Variants in ACVR2A observed in about 807,000 individuals in gnomAD.
The protein encoded by ACVR2A is activin A receptor type 2A.
Under a neutral mutation model 61.4 loss-of-function variants are expected in ACVR2A, and 7 were observed. That is an observed-to-expected ratio of 0.11 (90% CI 0.06 to 0.21). The LOEUF is 0.21. Ranked by LOEUF, ACVR2A falls within the 10% of genes least tolerant of loss-of-function variation. The pLI, the probability that ACVR2A is intolerant of heterozygous loss-of-function variation, is 1.00. For missense variants in ACVR2A, 322 were observed against 621.7 expected (o/e 0.52, Z 5.13); for synonymous variants, 193 against 208.3 (o/e 0.93, Z 0.63).
chr2:147,914,985 A>G (rs1198467750), intron 4 of ACVR2A, among the ~76,000 whole-genome samples: 3 of 152,016 alleles, frequency 2.0e-5, no homozygotes, highest in African/African-American at 7.2e-5. Flanking sequence ...GAACATTATT[A>G]TGAAACTCTG....
intron 1 of ACVR2A, among the ~76,000 whole-genome samples, chr2:147,850,535 G>A (rs190616149): frequency 1.3e-5 from 2 of 152,164 alleles, no homozygotes; most frequent in Non-Finnish European, 2.9e-5. Context: ...CTCTGTTTAA[G>A]CCAAAATTTG....
chr2:147,896,637 A>G, intron 2 of ACVR2A, 129 bp downstream of exon 2: 2 of 792,660 alleles, frequency 2.5e-6, no homozygotes, highest in East Asian at 5.3e-5. Flanking sequence ...ATGGGATTAT[A>G]AAGAACATTA....
intron 1 of ACVR2A, among the ~76,000 whole-genome samples, chr2:147,863,595 C>G (rs946362725): frequency 1.3e-5 from 2 of 151,834 alleles, no homozygotes; most frequent in African/African-American, 4.8e-5. Context: ...AATAAGGAAG[C>G]TAAAGGAAAG....
At chr2:147,926,661 G>A (rs775991786) in intron 10 of ACVR2A, among the ~76,000 whole-genome samples, 1 of 151,850 alleles carries the variant, frequency 6.6e-6, no homozygotes, top group Non-Finnish European at 1.5e-5. Flanking sequence ...AATATAACTA[G>A]AAACCTGGCT....
intron 1 of ACVR2A, among the ~76,000 whole-genome samples, chr2:147,866,332 A>G (rs531847182): frequency 6.6e-6 from 1 of 152,322 alleles, no homozygotes; most frequent in South Asian, 2.1e-4. Context: ...CAGCTTTAAT[A>G]TGCATAGGAA....
In ACVR2A at chr2:147,928,927, AATTTTTT is replaced by A. The variant is rs1306461440; in HGVS notation, c.*1655_*1661del. 6.6e-6 allele frequency: 1 copy of A among 152,450 alleles called. No individual in the cohort carries two copies. The highest frequency in any genetic ancestry group is 1.5e-5 in the Non-Finnish European group (1 of 67,956). 9.4% of individuals were successfully genotyped at this position (152,450 alleles called of 1,614,324 possible). A position where few individuals can be genotyped will look rare whatever the true frequency, so the allele number is the denominator to read the frequency against. On this transcript the variant is annotated 3_prime_UTR_variant, in exon 11 of 11. Transcript: ENST00000241416. ...AAAATCCATGTTAATTTTATAAAAGAATTTTTTACATGTCACTGTCAGGAGCTCACTG... is the reference window on the plus strand; with the variant it reads ...AAAATCCATGTTAATTTTATAAAAGAACATGTCACTGTCAGGAGCTCACTG...
chr2:147,870,474 T>C (rs1428295822), intron 1 of ACVR2A, among the ~76,000 whole-genome samples: 1 of 152,188 alleles, frequency 6.6e-6, no homozygotes, highest in Admixed American at 6.5e-5. Context: ...TGAGAGCAGA[T>C]GTCACATTTC....
At chr2:147,911,886 T>C (rs1269038530) in intron 4 of ACVR2A, among the ~76,000 whole-genome samples, 1 of 152,048 alleles carries the variant, frequency 6.6e-6, no homozygotes, top group Admixed American at 6.6e-5. Context: ...TTAATTTTTA[T>C]ATGTCATTAG....
intron 4 of ACVR2A, among the ~76,000 whole-genome samples, chr2:147,907,575 C>T (rs994637729): frequency 2.0e-5 from 3 of 152,114 alleles, no homozygotes; most frequent in Non-Finnish European, 4.4e-5. Flanking sequence ...TTTTGAAGTC[C>T]GTTTTATAGA....
chr2:147,859,907 C>G (rs1033671362), intron 1 of ACVR2A, among the ~76,000 whole-genome samples: 2 of 152,130 alleles, frequency 1.3e-5, no homozygotes, highest in African/African-American at 4.8e-5. Flanking sequence ...ATATGTTCTT[C>G]TTCCATTATA....
intron 1 of ACVR2A, among the ~76,000 whole-genome samples, chr2:147,856,416 C>T (rs1291412163): frequency 6.6e-6 from 1 of 152,114 alleles, no homozygotes; most frequent in Non-Finnish European, 1.5e-5. Context: ...GATAAGCCAC[C>T]TTCTATAAAG....
chr2:147,920,582 T>C (rs1270872771), intron 8 of ACVR2A, among the ~76,000 whole-genome samples: 5 of 152,196 alleles, frequency 3.3e-5, no homozygotes, highest in East Asian at 1.9e-4. Flanking sequence ...TTTTGAAAAA[T>C]TGATCAAAGA....
intron 8 of ACVR2A, among the ~76,000 whole-genome samples, chr2:147,920,835 C>T (rs777509246): frequency 2.0e-5 from 3 of 152,076 alleles, no homozygotes; most frequent in Non-Finnish European, 4.4e-5. Flanking sequence ...CAAATTCTCT[C>T]CAGAGTTCAG....
chr2:147,856,029 A>G (rs544732835), intron 1 of ACVR2A, among the ~76,000 whole-genome samples: 1 of 152,160 alleles, frequency 6.6e-6, no homozygotes, highest in Non-Finnish European at 1.5e-5. Context: ...TAGAAATTTG[A>G]TATCTTTTCA....
At chr2:147,865,621 A>G (rs1372540079) in intron 1 of ACVR2A, among the ~76,000 whole-genome samples, 1 of 152,076 alleles carries the variant, frequency 6.6e-6, no homozygotes, top group Non-Finnish European at 1.5e-5. Context: ...ATCCCATCTC[A>G]TCTTCACTTT....
chr2:147,915,062 TA>T (rs1687217483), intron 4 of ACVR2A, 128 bp from the exon 5 acceptor site: 3 of 814,562 alleles, frequency 3.7e-6, no homozygotes, highest in Non-Finnish European at 5.8e-6. Flanking sequence ...ACATTGAAGT[TA>T]ATGTCATTCA....
At chr2:147,865,592 T>C (rs1040479056) in intron 1 of ACVR2A, among the ~76,000 whole-genome samples, 1 of 152,190 alleles carries the variant, frequency 6.6e-6, no homozygotes, top group Admixed American at 6.5e-5. Flanking sequence ...TTGCTCTACA[T>C]ACCCTTCCTG....
At chr2:147,856,003 T>G (rs1161104786) in intron 1 of ACVR2A, among the ~76,000 whole-genome samples, 1 of 152,174 alleles carries the variant, frequency 6.6e-6, no homozygotes, top group East Asian at 1.9e-4. Flanking sequence ...CTCAGTGTAT[T>G]TTATATCTTA....
chr2:147,847,921 G>T (rs1685354210), intron 1 of ACVR2A, among the ~76,000 whole-genome samples: 1 of 152,198 alleles, frequency 6.6e-6, no homozygotes. Context: ...CCTATCTAGA[G>T]TTATGCAGCT....
Sources: allele counts gnomAD v4.1 joint callset (sites outside exome capture counted in the v4.1 genomes callset), GRCh38; gene constraint gnomAD v4.1.1; transcripts MANE v1.5; gene names NCBI Gene and HGNC (gene_info 2026-07-23, HGNC 2026-07-21).